The following SLC38A8 variants were observed in gnomAD, a reference collection of about 807,000 sequenced individuals.
SLC38A8 encodes the protein amino acid transporter SLC38A8.
A neutral mutation model predicts 46.0 loss-of-function variants in SLC38A8; 65 were observed. The ratio of observed to expected loss-of-function variants is 1.41; its 90% CI spans 1.16 to 1.74. The LOEUF is 1.74. Among genes scored for constraint, SLC38A8 ranks in the 40% most tolerant of loss-of-function variants. The probability of loss-of-function intolerance (pLI) is 0.00; values close to 1 mark genes in which losing one functional copy is unlikely to be tolerated. For missense variants in SLC38A8, 998 were observed against 567.9 expected, an observed-to-expected ratio of 1.76 and a Z score of -7.70; for synonymous variants, 447 against 243.7, an observed-to-expected ratio of 1.83 and a Z score of -7.77.
At chr16:84,020,195 C>T (rs984998250) in intron 7 of SLC38A8, among the ~76,000 whole-genome samples, 57 of 148,644 alleles carry the variant, frequency 3.8e-4, no homozygotes, top group African/African-American at 1.3e-3. Context: ...GGCTGGAGGG[C>T]GGTGGCACAA....
chr16:84,039,839 A>G (rs563461807), intron 2 of SLC38A8: 1 of 151,840 alleles, frequency 6.6e-6, no homozygotes, highest in African/African-American at 2.4e-5. Flanking sequence ...CAGGGTCACA[A>G]GAGGGACTGA....
chr16:84,024,490 T>C (rs2085137243), intron 6 of SLC38A8, among the ~76,000 whole-genome samples: 1 of 152,008 alleles, frequency 6.6e-6, no homozygotes, highest in African/African-American at 2.4e-5. Context: ...GGATAAGAAT[T>C]TTAAACGCAG....
In SLC38A8 at chr16:84,009,674, C is replaced by T; in HGVS notation, c.*110G>A. ...CCAAGGAGGCAGAAGGCATCAGTCT[C>T]TCCAGCATCTTTATGAGGAAAAGAA... is the stretch of plus-strand genomic sequence containing the variant. On this transcript the variant is annotated 3_prime_UTR_variant, in exon 11 of 11. Coordinates refer to ENST00000299709, the MANE Select transcript of SLC38A8 (RefSeq NM_001080442.3). The T allele has an allele frequency of 1.1e-6, 1 of 936,616 alleles. No homozygotes were observed. Among genetic ancestry groups the T allele is most frequent in the Non-Finnish European group, 1.6e-6 (1 of 629,734 alleles). 58.0% of individuals were successfully genotyped at this position (936,616 alleles called of 1,614,324 possible).
chr16:84,033,112 G>C (rs550854411), intron 4 of SLC38A8, among the ~76,000 whole-genome samples: 1 of 152,172 alleles, frequency 6.6e-6, no homozygotes, highest in Non-Finnish European at 1.5e-5. Flanking sequence ...GAAATAAACT[G>C]AGTAGCACTG....
intron 7 of SLC38A8, among the ~76,000 whole-genome samples, chr16:84,018,832 G>C (rs999863641): frequency 6.6e-6 from 1 of 152,168 alleles, no homozygotes; most frequent in African/African-American, 2.4e-5. Flanking sequence ...ATCTGGTCGG[G>C]GCAGTGAATT....
At chr16:84,027,115 G>A (rs2085173298) in intron 6 of SLC38A8, among the ~76,000 whole-genome samples, 1 of 152,204 alleles carries the variant, frequency 6.6e-6, no homozygotes, top group African/African-American at 2.4e-5. Context: ...ACTTTGGGAG[G>A]CTGAGGTGGG....
In SLC38A8 at chr16:84,016,096, T is replaced by G. The variant is rs560215309; in HGVS notation, c.1162+423A>C. 3.1e-5 allele frequency among the ~76,000 whole-genome samples: 4 copies of G among 129,586 alleles called. No individual in the cohort carries two copies. The South Asian group carries it at 6.9e-4, about 22-fold the overall frequency. 85.0% of individuals were successfully genotyped at this position (129,586 alleles called of 152,430 possible). On this transcript the variant is annotated intron_variant, in intron 9 of 10. Coordinates refer to ENST00000299709, the MANE Select transcript of SLC38A8 (RefSeq NM_001080442.3). ...AGGAGCAAAGTCACGTCTTACATGG[T>G]GGCAGGCAGGCAAGAGAGCTTGTGC...
chr16:84,025,350 G>C (rs1235486323), intron 6 of SLC38A8, among the ~76,000 whole-genome samples: 1 of 152,164 alleles, frequency 6.6e-6, no homozygotes, highest in East Asian at 1.9e-4. Flanking sequence ...CAGGGCCTTT[G>C]CTACTGCTGG....
chr16:84,032,149 G>A (rs1190227813), intron 4 of SLC38A8, among the ~76,000 whole-genome samples, 181 bp from the exon 5 acceptor site: 1 of 151,626 alleles, frequency 6.6e-6, no homozygotes, highest in African/African-American at 2.4e-5. Flanking sequence ...CTGCTTTGGG[G>A]TCAAGGGGTC....
intron 6 of SLC38A8, among the ~76,000 whole-genome samples, chr16:84,023,241 T>G (rs1490129368): frequency 6.6e-6 from 1 of 151,942 alleles, no homozygotes; most frequent in East Asian, 1.9e-4. Context: ...AAAAAAAAGT[T>G]CAAATGTTCA....
In SLC38A8 at chr16:84,031,986, T is replaced by A; in HGVS notation, c.531-18A>T. ...CTAGGATGCTAACACAGTGACCGTG[T>A]GAGGGGCTGCGCAGTGGGTGACATG... On this transcript the variant is annotated intron_variant, in intron 4 of 10. Transcript: ENST00000299709. 1 of 1,609,318 alleles carries A rather than the reference T, an allele frequency of 6.2e-7. No homozygotes were observed. Among genetic ancestry groups the A allele is most frequent in the South Asian group, 1.1e-5 (1 of 90,988 alleles).
chr16:84,010,897 G>A (rs554956653), intron 10 of SLC38A8, among the ~76,000 whole-genome samples: 12 of 152,232 alleles, frequency 7.9e-5, no homozygotes, highest in African/African-American at 2.2e-4. Flanking sequence ...GGTAGGGGAC[G>A]AGGACGCAGG....
At chr16:84,023,087 T>G (rs1195035665) in intron 6 of SLC38A8, among the ~76,000 whole-genome samples, 198 bp from the exon 7 acceptor site, 1 of 152,180 alleles carries the variant, frequency 6.6e-6, no homozygotes, top group Non-Finnish European at 1.5e-5. Flanking sequence ...CTGCCTTTGT[T>G]ACATGCCCAA....
intron 10 of SLC38A8, among the ~76,000 whole-genome samples, chr16:84,012,225 A>T (rs898363296): frequency 5.3e-5 from 8 of 152,208 alleles, no homozygotes; most frequent in African/African-American, 1.9e-4. Flanking sequence ...GGAGGGAGTC[A>T]CCCAGAACCC....
In SLC38A8 at chr16:84,033,443, G is replaced by T. The variant is rs866443274; in HGVS notation, c.415C>A (p.Pro139Thr). 4 of 1,610,026 alleles carry T rather than the reference G, an allele frequency of 2.5e-6. No homozygotes were observed. ...KLCDSLLSGT[P>T]PAPQPWYADQ... ...GCGTACCACGGCTGCGGGGCGGGCG[G>T]GGTGCCAGACAGGAGGGAGTCACAC... Residue 139 changes from proline to threonine, a missense_variant, in exon 4 of 11, where the codon CCG becomes ACG. Pro to Thr is a conservative substitution (Grantham distance 38). Coordinates refer to ENST00000299709, the MANE Select transcript of SLC38A8 (RefSeq NM_001080442.3).
At chr16:84,010,357 C>G (rs546045098) in intron 10 of SLC38A8, among the ~76,000 whole-genome samples, 7 of 152,214 alleles carry the variant, frequency 4.6e-5, no homozygotes, top group African/African-American at 1.4e-4. Context: ...AAGCGCAAGC[C>G]ACCGTTGCTG....
At chr16:84,015,493 C>A (rs2085014418) in intron 9 of SLC38A8, among the ~76,000 whole-genome samples, 1 of 152,008 alleles carries the variant, frequency 6.6e-6, no homozygotes, top group South Asian at 2.1e-4. Context: ...AAAACAAAAT[C>A]TTTTAGCAGG....
chr16:84,018,920 A>C (rs945647174), intron 7 of SLC38A8, among the ~76,000 whole-genome samples: 1 of 152,144 alleles, frequency 6.6e-6, no homozygotes. Flanking sequence ...AAGTGGATTT[A>C]TTCAGGTCCA....
At chr16:84,028,743 G>C (rs919906794) in intron 6 of SLC38A8, among the ~76,000 whole-genome samples, 1 of 149,398 alleles carries the variant, frequency 6.7e-6, no homozygotes, top group Admixed American at 6.7e-5. Flanking sequence ...CCCTCTGCAG[G>C]TCTCTCTCCA....
Sources: allele counts gnomAD v4.1 joint callset (sites outside exome capture counted in the v4.1 genomes callset), GRCh38; gene constraint gnomAD v4.1.1; transcripts MANE v1.5; gene names NCBI Gene and HGNC (gene_info 2026-07-23, HGNC 2026-07-21).